The following BMPR1A variants were observed in gnomAD, a reference collection of about 807,000 sequenced individuals.
The protein encoded by BMPR1A is bone morphogenetic protein receptor type 1A, also known as bone morphogenetic protein receptor type-1A.
A neutral mutation model predicts 66.0 loss-of-function variants in BMPR1A; 7 were observed. The ratio of observed to expected loss-of-function variants is 0.11; its 90% CI spans 0.06 to 0.20. The LOEUF is 0.20. Among genes scored for constraint, BMPR1A ranks in the 10% least tolerant of loss-of-function variants. The probability of loss-of-function intolerance (pLI) is 1.00; values close to 1 mark genes in which losing one functional copy is unlikely to be tolerated. For synonymous variants in BMPR1A, 200 were observed against 229.7 expected, an observed-to-expected ratio of 0.87 and a Z score of 1.17; for missense variants, 408 against 669.1, an observed-to-expected ratio of 0.61 and a Z score of 4.31.
intron 5 of BMPR1A, among the ~76,000 whole-genome samples, chr10:86,895,518 G>C (rs1322434527): frequency 6.6e-6 from 1 of 151,324 alleles, no homozygotes; most frequent in Non-Finnish European, 1.5e-5. Flanking sequence ...AGCCTAGGCA[G>C]CAAGAGTGAA....
chr10:86,881,856 A>G (rs1237549513), intron 3 of BMPR1A, among the ~76,000 whole-genome samples: 4 of 152,230 alleles, frequency 2.6e-5, no homozygotes, highest in Admixed American at 1.3e-4. Flanking sequence ...GTAATTTGTA[A>G]TATTTATGAT....
intron 1 of BMPR1A, among the ~76,000 whole-genome samples, chr10:86,775,630 G>A (rs1841334788): frequency 6.6e-6 from 1 of 151,908 alleles, no homozygotes; most frequent in African/African-American, 2.4e-5. Context: ...GATATACTAA[G>A]GAAAACAGAA....
chr10:86,860,956 C>T (rs1327410959), intron 2 of BMPR1A, among the ~76,000 whole-genome samples: 3 of 151,222 alleles, frequency 2.0e-5, no homozygotes, highest in Non-Finnish European at 4.4e-5. Context: ...ATTCTCCTGC[C>T]TCAGCCTCCC....
intron 7 of BMPR1A, among the ~76,000 whole-genome samples, chr10:86,901,387 T>C (rs1039309709): frequency 2.0e-5 from 3 of 152,204 alleles, no homozygotes; most frequent in South Asian, 2.1e-4. Flanking sequence ...TTTCTGAAAA[T>C]TGACTTTCAA....
At chr10:86,930,668 C>G (rs1843798174), downstream of BMPR1A, 1 of 152,204 alleles carries the variant, frequency 6.6e-6, no homozygotes, top group South Asian at 2.1e-4. Context: ...GGTCTTTGTT[C>G]AAATGAAATC....
downstream of BMPR1A, chr10:86,929,241 T>C (rs1369220854): frequency 2.0e-5 from 3 of 152,202 alleles, no homozygotes; most frequent in African/African-American, 4.8e-5. Context: ...ACTAAGGTTC[T>C]TGGAAAACAT....
chr10:86,875,805 T>A (rs978145192), intron 2 of BMPR1A, 62 bp from the exon 3 acceptor site: 3 of 593,628 alleles, frequency 5.1e-6, no homozygotes, highest in Non-Finnish European at 9.0e-6. Flanking sequence ...TCCCTTTTAG[T>A]TTTTGAAAAA....
At chr10:86,829,459 A>G (rs1293593597) in intron 1 of BMPR1A, among the ~76,000 whole-genome samples, 2 of 152,150 alleles carry the variant, frequency 1.3e-5, no homozygotes, top group African/African-American at 4.8e-5. Flanking sequence ...GCATTAAACT[A>G]GAAATTGACA....
chr10:86,837,888 T>TA (rs1842374640), intron 1 of BMPR1A, among the ~76,000 whole-genome samples: 1 of 152,254 alleles, frequency 6.6e-6, no homozygotes, highest in Non-Finnish European at 1.5e-5. Context: ...TGCTACCTGA[T>TA]ATGCTAGACC....
intron 1 of BMPR1A, among the ~76,000 whole-genome samples, chr10:86,804,286 G>A (rs1486542966): frequency 6.6e-6 from 1 of 152,116 alleles, no homozygotes; most frequent in Non-Finnish European, 1.5e-5. Context: ...TGTCGCCCAG[G>A]CTGAAGTGCA....
intron 1 of BMPR1A, among the ~76,000 whole-genome samples, chr10:86,824,812 T>G (rs10887658): frequency 6.6e-6 from 1 of 151,988 alleles, no homozygotes; most frequent in Non-Finnish European, 1.5e-5. Context: ...TGACATAACC[T>G]ATACATCCTT....
chr10:86,921,089 G>GTGGAGTGGAGTGGAGTGGATTGGGGTAGA (rs1346409338), intron 10 of BMPR1A, among the ~76,000 whole-genome samples: 1 of 152,004 alleles, frequency 6.6e-6, no homozygotes, highest in African/African-American at 2.4e-5. Flanking sequence ...CCTGACCTCA[G>GTGGAGTGGAGTGGAGTGGATTGGGGTAGA]GTGATGCGCC....
intron 2 of BMPR1A, among the ~76,000 whole-genome samples, chr10:86,847,318 C>T (rs752031546): frequency 6.6e-6 from 1 of 151,868 alleles, no homozygotes; most frequent in Non-Finnish European, 1.5e-5. Flanking sequence ...CTAATAATTT[C>T]TCTCTTGCAC....
At chr10:86,799,296 C>T (rs977340737) in intron 1 of BMPR1A, among the ~76,000 whole-genome samples, 2 of 152,070 alleles carry the variant, frequency 1.3e-5, no homozygotes, top group African/African-American at 2.4e-5. Context: ...TATTACAAGT[C>T]GTCTGTAAAA....
intron 1 of BMPR1A, among the ~76,000 whole-genome samples, chr10:86,817,153 A>G (rs1245330181): frequency 6.6e-6 from 1 of 152,142 alleles, no homozygotes; most frequent in Non-Finnish European, 1.5e-5. Context: ...TACATTCATA[A>G]TGTTGTGCAA....
chr10:86,770,604 C>T (rs1841241628), intron 1 of BMPR1A, among the ~76,000 whole-genome samples: 1 of 152,186 alleles, frequency 6.6e-6, no homozygotes, highest in East Asian at 1.9e-4. Flanking sequence ...CTACTCCAGT[C>T]TCTCTCCTCC....
intron 1 of BMPR1A, among the ~76,000 whole-genome samples, chr10:86,809,616 T>TTTTTTCC (rs1389544278): frequency 1.5e-5 from 2 of 131,500 alleles, no homozygotes; most frequent in African/African-American, 6.1e-5. Context: ...TTTTTTTCTC[T>TTTTTTCC]TTTTTCTTTT....
At chr10:86,838,571 T>A (rs916187274) in intron 1 of BMPR1A, among the ~76,000 whole-genome samples, 2 of 140,526 alleles carry the variant, frequency 1.4e-5, no homozygotes, top group Non-Finnish European at 3.0e-5. Context: ...TCCTGTTCTT[T>A]TTTTTTTTTC....
rs1240188 is a variant in BMPR1A at position 86,918,991 on chromosome 10, A to T, written c.869-181A>T. On this transcript the variant is annotated intron_variant, in intron 9 of 12. Transcript: ENST00000372037. ...TTATAAATTTATTGTAGAAGTACAG[A>T]TATATGTGTAAATGTAGAAATATAA... is the stretch of plus-strand genomic sequence containing the variant. Among the ~76,000 whole-genome samples the T allele has an allele frequency of 0.96, 145,931 of 152,328 alleles. 69,924 individuals are homozygous for T. Among genetic ancestry groups the T allele is most frequent in the South Asian group, 0.98 (4,723 of 4,820 alleles).
Sources: allele counts gnomAD v4.1 joint callset (sites outside exome capture counted in the v4.1 genomes callset), GRCh38; gene constraint gnomAD v4.1.1; transcripts MANE v1.5; gene names NCBI Gene and HGNC (gene_info 2026-07-23, HGNC 2026-07-21).